The following DSCAM variants were observed in gnomAD, a reference collection of about 807,000 sequenced individuals.
DSCAM encodes the protein DS cell adhesion molecule.
DSCAM carries 47 observed loss-of-function variants against 217.7 expected under a neutral mutation model. The ratio of observed to expected loss-of-function variants is 0.22; its 90% CI spans 0.17 to 0.28. The LOEUF (loss-of-function observed/expected upper bound fraction) is 0.28, where lower values mean the gene tolerates loss of function less well. DSCAM is among the 10% of genes least tolerant of loss of function. The probability of loss-of-function intolerance (pLI) is 1.00; values close to 1 mark genes in which losing one functional copy is unlikely to be tolerated. For synonymous variants in DSCAM, 1,056 were observed against 1,015.3 expected (o/e 1.04, Z -0.76); for missense variants, 2,080 against 2,618.3 (o/e 0.79, Z 4.49).
chr21:40,841,703 G>A (rs575644815), intron 1 of DSCAM, among the ~76,000 whole-genome samples: 2 of 152,318 alleles, frequency 1.3e-5, no homozygotes, highest in South Asian at 2.1e-4. Context: ...TGGAAGGTCA[G>A]CCAATCAGGC....
At chr21:40,525,009 C>CAAAAAAAAAAAAAAAAAAA (rs58427418) in intron 3 of DSCAM, among the ~76,000 whole-genome samples, 19 of 56,088 alleles carry the variant, frequency 3.4e-4, no homozygotes, top group South Asian at 7.6e-4. Flanking sequence ...GACTCAGTCT[C>CAAAAAAAAAAAAAAAAAAA]AAAAAAAAAA....
intron 3 of DSCAM, among the ~76,000 whole-genome samples, chr21:40,447,633 A>G (rs1402801918): frequency 2.0e-5 from 3 of 152,260 alleles, no homozygotes; most frequent in African/African-American, 4.8e-5. Flanking sequence ...TAATAAAAAA[A>G]CACATTCATC....
intron 11 of DSCAM, among the ~76,000 whole-genome samples, chr21:40,241,342 C>T (rs186756118): frequency 2.7e-3 from 416 of 152,188 alleles, no homozygotes; most frequent in African/African-American, 9.2e-3. Flanking sequence ...TGAACAGATG[C>T]TTTTCAAAAG....
At chr21:40,277,868 CAAAA>C (rs1221895007) in intron 10 of DSCAM, among the ~76,000 whole-genome samples, 1 of 55,830 alleles carries the variant, frequency 1.8e-5, no homozygotes, top group Admixed American at 2.1e-4. Context: ...GACTTCGTCT[CAAAA>C]AAAAAAAAAA....
intron 5 of DSCAM, among the ~76,000 whole-genome samples, chr21:40,352,001 G>C (rs2074636152): frequency 6.6e-6 from 1 of 152,158 alleles, no homozygotes; most frequent in African/African-American, 2.4e-5. Flanking sequence ...GAAGAAGTTA[G>C]ATTTAGCAGG....
At chr21:40,522,706 A>C (rs1403528949) in intron 3 of DSCAM, among the ~76,000 whole-genome samples, 1 of 152,220 alleles carries the variant, frequency 6.6e-6, no homozygotes, top group Non-Finnish European at 1.5e-5. Flanking sequence ...TTAAGAAGTT[A>C]TCAAATCTCT....
Position 40,050,570 on chromosome 21 carries a change from C to A in DSCAM, c.5185+1388G>T, listed in dbSNP as rs143207617. 2.7e-4 allele frequency among the ~76,000 whole-genome samples: 41 copies of A among 152,062 alleles called. No individual in the cohort carries two copies. In the East Asian group the frequency reaches 6.0e-3, roughly 22 times the overall value. Reference sequence around the variant, plus strand: ...TGATCTCAGCTCACTGCAAGCTCTGCCTCCCAGGTTCACGCCATTCTCCTG... The same window carrying A: ...TGATCTCAGCTCACTGCAAGCTCTGACTCCCAGGTTCACGCCATTCTCCTG... On this transcript the variant is annotated intron_variant, in intron 30 of 32. Transcript: ENST00000400454.
At chr21:40,571,879 T>A (rs1248104955) in intron 3 of DSCAM, among the ~76,000 whole-genome samples, 2 of 152,216 alleles carry the variant, frequency 1.3e-5, no homozygotes, top group African/African-American at 4.8e-5. Flanking sequence ...TGTGAGCCAC[T>A]GCACCTGGCC....
intron 11 of DSCAM, among the ~76,000 whole-genome samples, chr21:40,246,478 C>T (rs1337293498): frequency 6.8e-6 from 1 of 147,410 alleles, no homozygotes; most frequent in Admixed American, 6.8e-5. Context: ...GAGGTGGAGG[C>T]TGCACTGAGC....
chr21:40,264,209 C>A (rs2073492041), intron 11 of DSCAM, among the ~76,000 whole-genome samples: 1 of 152,112 alleles, frequency 6.6e-6, no homozygotes, highest in South Asian at 2.1e-4. Flanking sequence ...TCTATGAAGC[C>A]AGTATCCTCA....
At chr21:40,107,600 G>A (rs1460326999) in intron 20 of DSCAM, among the ~76,000 whole-genome samples, 1 of 152,028 alleles carries the variant, frequency 6.6e-6, no homozygotes, top group Non-Finnish European at 1.5e-5. Context: ...TGTCAGTGGG[G>A]TGTTAAAGTC....
chr21:40,738,275 T>C (rs1025130670), intron 1 of DSCAM, among the ~76,000 whole-genome samples: 1 of 152,252 alleles, frequency 6.6e-6, no homozygotes, highest in Non-Finnish European at 1.5e-5. Context: ...AGGTAGACCA[T>C]GCCAATGCAT....
intron 1 of DSCAM, among the ~76,000 whole-genome samples, chr21:40,802,774 C>A (rs2091899): frequency 2.0e-5 from 3 of 152,050 alleles, no homozygotes; most frequent in African/African-American, 4.8e-5. Context: ...AGCAAGAAGA[C>A]CTTCACCAGA....
chr21:40,159,332 A>G (rs2090513733), intron 16 of DSCAM, among the ~76,000 whole-genome samples: 1 of 152,202 alleles, frequency 6.6e-6, no homozygotes, highest in South Asian at 2.1e-4. Context: ...AAATGTCATC[A>G]GCGAGATGGC....
intron 18 of DSCAM, among the ~76,000 whole-genome samples, chr21:40,141,283 GA>G (rs1283367829): frequency 6.6e-6 from 1 of 152,162 alleles, no homozygotes; most frequent in African/African-American, 2.4e-5. Context: ...AATTAGAGGT[GA>G]GCACTCATCA....
Position 40,049,751 on chromosome 21 carries a change from C to T in DSCAM, c.5185+2207G>A, listed in dbSNP as rs142792671. Among the ~76,000 whole-genome samples, 21 of 152,296 alleles carry T rather than the reference C, an allele frequency of 1.4e-4. 1 individual carries two copies. The South Asian group carries it at 1.9e-3, about 14-fold the overall frequency. ...GATACACACACGTCCCTCCCATGTG[C>T]GTCCTGCCTGGCACTCGCTGACCAC... On this transcript the variant is annotated intron_variant, in intron 30 of 32. Transcript: ENST00000400454.
intron 3 of DSCAM, among the ~76,000 whole-genome samples, chr21:40,445,130 T>A (rs1476688914): frequency 6.6e-6 from 1 of 152,172 alleles, no homozygotes; most frequent in Non-Finnish European, 1.5e-5. Flanking sequence ...CCCTTCAACA[T>A]CTGTTATGAG....
chr21:40,364,727 T>C (rs931694672), intron 4 of DSCAM, among the ~76,000 whole-genome samples: 12 of 146,496 alleles, frequency 8.2e-5, no homozygotes, highest in African/African-American at 3.0e-4. Flanking sequence ...GTAGTATATA[T>C]ACATATATAT....
chr21:40,724,224 C>T (rs935860541), intron 1 of DSCAM, among the ~76,000 whole-genome samples: 5 of 152,086 alleles, frequency 3.3e-5, no homozygotes, highest in Admixed American at 2.6e-4. Context: ...AAGTGGCTAG[C>T]GATTTGGAAG....
Sources: gnomAD v4.1 joint callset for allele counts (sites outside exome capture counted in the v4.1 genomes callset) on GRCh38, gnomAD v4.1.1 for gene constraint, MANE v1.5 for transcripts, NCBI Gene and HGNC (gene_info 2026-07-23, HGNC 2026-07-21) for gene names.